STARD8: variants seen among roughly 807,000 people sequenced by gnomAD.
STARD8 encodes StAR related lipid transfer domain containing 8.
A neutral mutation model predicts 69.4 loss-of-function variants in STARD8; 25 were observed. The ratio of observed to expected loss-of-function variants is 0.36; its 90% CI spans 0.26 to 0.50. STARD8 has a LOEUF of 0.50. STARD8 is among the 20% of genes least tolerant of loss of function. The pLI is 0.96. For missense variants in STARD8, 921 were observed against 932.5 expected (o/e 0.99, Z 0.16); for synonymous variants, 389 against 374.6 (o/e 1.04, Z -0.45).
Position 68,723,795 on chromosome X carries a change from T to C in STARD8, c.2969T>C (p.Val990Ala), listed in dbSNP as rs1602622538. ...LMPGVELYHYVTDSMAPHPCR... is the reference protein window; with the variant it reads ...LMPGVELYHYATDSMAPHPCR... ...CCGGGTGTGGAGCTGTACCACTATGTCACCGACAGCATGGCACCCCATCCC... is the reference window on the plus strand; with the variant it reads ...CCGGGTGTGGAGCTGTACCACTATGCCACCGACAGCATGGCACCCCATCCC... Residue 990 changes from valine (V) to alanine (A), a missense_variant, in exon 13 of 15, where the codon GTC becomes GCC. Coordinates refer to ENST00000374599, the MANE Select transcript of STARD8 (RefSeq NM_001142503.3). 1.4e-5 allele frequency: 16 copies of C among 1,181,214 alleles called. No individual in the cohort carries two copies. In the East Asian group the frequency reaches 5.0e-4, roughly 37 times the overall value.
chrX:68,690,979 C>T (rs1219779277), intron 2 of STARD8, among the ~76,000 whole-genome samples: 1 of 111,913 alleles, frequency 8.9e-6, no homozygotes, highest in Non-Finnish European at 1.9e-5. Context: ...CAGAGTCACA[C>T]AGCTAGTAAG....
intron 1 of STARD8, among the ~76,000 whole-genome samples, chrX:68,648,897 C>T (rs115210126): frequency 0.077 from 8,629 of 111,762 alleles, 840 homozygotes; most frequent in African/African-American, 0.27. Context: ...GGCAGTGATC[C>T]TCAGCACAAC....
chrX:68,647,918 G>A lies in STARD8; in HGVS notation c.36G>A (p.Arg12=). 8.3e-7 allele frequency: 1 copy of A among 1,199,848 alleles called. No individual in the cohort carries two copies. Among genetic ancestry groups the A allele is most frequent in the East Asian group, 3.0e-5 (1 of 33,237 alleles). ...TGGACGTTTTCTGGTCTTGCTTCAG[G>A]AAGGTGAAGGTAAGTGACTGGCCAG... ...PLLDVFWSCF[R]KVKCFPLLQV... is the part of the protein sequence containing the mutation. The change falls in exon 1 of 15, where the codon AGG becomes AGA. Residue 12 remains arginine, a synonymous_variant. Transcript: ENST00000374599.
At chrX:68,686,386 G>T (rs1245323340) in intron 2 of STARD8, among the ~76,000 whole-genome samples, 2 of 112,842 alleles carry the variant, frequency 1.8e-5, no homozygotes, top group East Asian at 2.8e-4. Context: ...ACTCCGGCTC[G>T]CCAGCTCGCT....
At chrX:68,653,743 CCACA>C (rs1344880105) in intron 1 of STARD8, among the ~76,000 whole-genome samples, 4 of 97,368 alleles carry the variant, frequency 4.1e-5, no homozygotes, top group African/African-American at 7.5e-5. Flanking sequence ...ACACCACACG[CCACA>C]CACACACACA....
chrX:68,724,166 C>A, intron 14 of STARD8, 45 bp downstream of exon 14: 1 of 1,186,747 alleles, frequency 8.4e-7, no homozygotes, highest in African/African-American at 1.7e-5. Context: ...GGCCTTGACC[C>A]CCTCCCCTGC....
At chrX:68,686,085 G>A (rs2147896657) in intron 2 of STARD8, among the ~76,000 whole-genome samples, 2 of 112,104 alleles carry the variant, frequency 1.8e-5, no homozygotes, top group East Asian at 5.6e-4. Flanking sequence ...GAACAGAAAG[G>A]AGAGGAATCA....
chrX:68,668,278 T>TTCTTTC (rs1184170900), intron 2 of STARD8, among the ~76,000 whole-genome samples: 943 of 59,543 alleles, frequency 0.016, 13 homozygotes, highest in African/African-American at 0.043. Flanking sequence ...TTCTTTCTCT[T>TTCTTTC]TCTTTCTTTC....
chrX:68,688,174 A>G (rs1357945219), intron 2 of STARD8, among the ~76,000 whole-genome samples: 6 of 112,145 alleles, frequency 5.4e-5, no homozygotes, highest in South Asian at 3.7e-4. Context: ...AGGGTAGACG[A>G]GCTCCAAGGC....
chrX:68,674,048 C>T (rs1386513791), intron 2 of STARD8, among the ~76,000 whole-genome samples: 2 of 111,510 alleles, frequency 1.8e-5, no homozygotes, highest in Non-Finnish European at 3.8e-5. Context: ...AATCCCAGCA[C>T]TTTGGGAGGC....
At chrX:68,685,169 T>G (rs1053981435) in intron 2 of STARD8, among the ~76,000 whole-genome samples, 1 of 112,288 alleles carries the variant, frequency 8.9e-6, no homozygotes, top group Non-Finnish European at 1.9e-5. Context: ...GGGGAGGGGC[T>G]GTGACCTTCA....
intron 2 of STARD8, among the ~76,000 whole-genome samples, chrX:68,672,591 G>A (rs1420714646): frequency 2.7e-5 from 3 of 111,946 alleles, no homozygotes; most frequent in Admixed American, 9.4e-5. Flanking sequence ...TGCCTGGGGA[G>A]AAGGCAGAGA....
At chrX:68,713,619 C>G (rs1417191467) in intron 3 of STARD8, among the ~76,000 whole-genome samples, 1 of 111,577 alleles carries the variant, frequency 9.0e-6, no homozygotes, top group Non-Finnish European at 1.9e-5. Flanking sequence ...GGAATGCCCC[C>G]CTTTCCTGGC....
chrX:68,715,384 GCTGAGGGCCAGGC>G lies in STARD8; in HGVS notation c.233+13_233+25del, dbSNP rs752842558. On this transcript the variant is annotated intron_variant, in intron 4 of 14. Coordinates refer to ENST00000374599, the MANE Select transcript of STARD8 (RefSeq NM_001142503.3). ...TTGGGGGCCCTGTGTAGGTAGGTGGGCTGAGGGCCAGGCCTGGGAAGCCAAAGGCCTGGCTTGA... is the reference window on the plus strand; with the variant it reads ...TTGGGGGCCCTGTGTAGGTAGGTGGGCTGGGAAGCCAAAGGCCTGGCTTGA... 86 of 1,196,749 alleles carry G rather than the reference GCTGAGGGCCAGGC, an allele frequency of 7.2e-5. 2 individuals are homozygous for G. The South Asian group carries it at 1.5e-3, about 21-fold the overall frequency.
chrX:68,653,559 T>C (rs1163457533), intron 1 of STARD8, among the ~76,000 whole-genome samples: 50 of 32,214 alleles, frequency 1.6e-3, no homozygotes, highest in Admixed American at 3.0e-3. Context: ...ACAGCACACA[T>C]ACACCACACA....
intron 1 of STARD8, among the ~76,000 whole-genome samples, chrX:68,661,982 T>C (rs868075768): frequency 1.4e-5 from 1 of 69,907 alleles, no homozygotes; most frequent in Non-Finnish European, 2.5e-5. Flanking sequence ...CTTTCTTTCT[T>C]TCTTTCTTTC....
chrX:68,707,606 G>A (rs1261520906), intron 2 of STARD8, among the ~76,000 whole-genome samples: 1 of 111,761 alleles, frequency 8.9e-6, no homozygotes, highest in East Asian at 2.8e-4. Flanking sequence ...AGCTCCCCAG[G>A]AGATTTTAAT....
rs758717192 is a variant in STARD8, at chrX:68,697,476, C to G, written c.80-15438C>G. The stretch of plus-strand genomic sequence containing the variant: ...TTCTCTAGCAGTAAATGACAGTTCT[C>G]ACTCTCACACTTGCTTCCCCAGTCC... On this transcript the variant is annotated intron_variant, in intron 2 of 14. Transcript: ENST00000374599. Among the ~76,000 whole-genome samples, 6 of 112,346 alleles carry G rather than the reference C, an allele frequency of 5.3e-5. No individual in the cohort carries two copies. The South Asian group carries it at 1.8e-3, about 34-fold the overall frequency.
chrX:68,701,904 G>A (rs992009654), intron 2 of STARD8, among the ~76,000 whole-genome samples: 11 of 111,875 alleles, frequency 9.8e-5, no homozygotes, highest in Non-Finnish European at 1.7e-4. Context: ...ACTAGCTGGC[G>A]TGTCCCATGC....
Sources: gnomAD v4.1 joint callset for allele counts (sites outside exome capture counted in the v4.1 genomes callset) on GRCh38, gnomAD v4.1.1 for gene constraint, MANE v1.5 for transcripts, NCBI Gene and HGNC (gene_info 2026-07-23, HGNC 2026-07-21) for gene names.